Variants in PAQR5 observed in about 807,000 individuals in gnomAD.
PAQR5 encodes the protein progestin and adipoQ receptor family member 5.
A neutral mutation model predicts 34.5 loss-of-function variants in PAQR5; 20 were observed. The observed-to-expected ratio is 0.58, with a 90% confidence interval of 0.41 to 0.84. The LOEUF is 0.84. Ranked by LOEUF, PAQR5 falls within the 40% of genes least tolerant of loss-of-function variation. The probability of loss-of-function intolerance (pLI) is 0.00; values close to 1 mark genes in which losing one functional copy is unlikely to be tolerated. For missense variants in PAQR5, 378 were observed against 412.7 expected (o/e 0.92, Z 0.73); for synonymous variants, 131 against 155.6 (o/e 0.84, Z 1.18).
chr15:69,379,039 T>C (rs527662205), intron 3 of PAQR5, among the ~76,000 whole-genome samples: 1 of 152,340 alleles, frequency 6.6e-6, no homozygotes, highest in African/African-American at 2.4e-5. Context: ...ACACTTCACT[T>C]TTCTATGTTC....
intron 1 of PAQR5, among the ~76,000 whole-genome samples, chr15:69,311,108 C>G (rs1409102750): frequency 6.9e-6 from 1 of 144,158 alleles, no homozygotes. Context: ...GAGAGGGGAT[C>G]TCTGATATGG....
At chr15:69,336,064 C>T (rs1023180811) in intron 1 of PAQR5, among the ~76,000 whole-genome samples, 10 of 152,124 alleles carry the variant, frequency 6.6e-5, no homozygotes, top group African/African-American at 2.4e-4. Context: ...GAGACAGATT[C>T]AGGTGGCTTC....
chr15:69,399,583 C>T (rs1251798051), intron 7 of PAQR5, among the ~76,000 whole-genome samples: 2 of 152,206 alleles, frequency 1.3e-5, no homozygotes, highest in South Asian at 2.1e-4. Flanking sequence ...ACTGTACTTA[C>T]ATTTTACCCC....
chr15:69,373,446 T>C (rs2055617583), intron 3 of PAQR5, among the ~76,000 whole-genome samples: 1 of 152,192 alleles, frequency 6.6e-6, no homozygotes, highest in East Asian at 1.9e-4. Context: ...GTTTTTCTAC[T>C]TCTTAAATCA....
At chr15:69,381,218 C>T (rs1223280666) in intron 4 of PAQR5, among the ~76,000 whole-genome samples, 2 of 152,182 alleles carry the variant, frequency 1.3e-5, no homozygotes, top group Non-Finnish European at 2.9e-5. Context: ...CTGCCACTGG[C>T]CCCAGTTCTC....
chr15:69,386,596 C>T (rs1466577962), intron 5 of PAQR5, among the ~76,000 whole-genome samples: 1 of 151,780 alleles, frequency 6.6e-6, no homozygotes, highest in Non-Finnish European at 1.5e-5. Flanking sequence ...TCCCTCCCAC[C>T]CTCCGGATCC....
Position 69,399,966 on chromosome 15 carries a change from AC to A in PAQR5, c.610-6del. The A allele has an allele frequency of 6.2e-7, 1 of 1,612,268 alleles. No individual in the cohort carries two copies. Among genetic ancestry groups the A allele is most frequent in the South Asian group, 1.1e-5 (1 of 90,842 alleles). On this transcript the variant is annotated splice_polypyrimidine_tract_variant and splice_region_variant and intron_variant, in intron 7 of 8. Coordinates refer to ENST00000395407, the MANE Select transcript of PAQR5 (RefSeq NM_017705.4). The stretch of plus-strand genomic sequence containing the variant: ...CTCAAGACCTGATGTTTCTTTAAAC[AC>A]CTGCAGCTATTCCTGTTCCCAGGGG...
At chr15:69,369,551 A>T (rs1481593233) in intron 3 of PAQR5, among the ~76,000 whole-genome samples, 1 of 151,186 alleles carries the variant, frequency 6.6e-6, no homozygotes, top group Non-Finnish European at 1.5e-5. Flanking sequence ...AAAAAAAAAA[A>T]AAAGTAGAAA....
intron 1 of PAQR5, among the ~76,000 whole-genome samples, chr15:69,332,329 C>T (rs146460972): frequency 1.2e-3 from 178 of 152,296 alleles, no homozygotes; most frequent in African/African-American, 4.1e-3. Context: ...GCTACAGGTT[C>T]CTGAAACCAA....
chr15:69,399,482 C>T (rs1296210921), intron 7 of PAQR5, among the ~76,000 whole-genome samples: 1 of 152,180 alleles, frequency 6.6e-6, no homozygotes, highest in Non-Finnish European at 1.5e-5. Context: ...CAACAGGAGG[C>T]TATTAGTAAT....
At chr15:69,322,064 G>A (rs1476053958) in intron 1 of PAQR5, among the ~76,000 whole-genome samples, 1 of 150,840 alleles carries the variant, frequency 6.6e-6, no homozygotes, top group African/African-American at 2.5e-5. Flanking sequence ...TTGTCAAGAA[G>A]ACTGGTGGCT....
At chr15:69,311,040 A>G (rs1330969081) in intron 1 of PAQR5, among the ~76,000 whole-genome samples, 6 of 103,772 alleles carry the variant, frequency 5.8e-5, no homozygotes, top group Admixed American at 1.1e-4. Flanking sequence ...CTCCGTCGCA[A>G]AAAATAAAAA....
At chr15:69,361,246 T>A (rs2055223951) in intron 3 of PAQR5, among the ~76,000 whole-genome samples, 1 of 152,224 alleles carries the variant, frequency 6.6e-6, no homozygotes, top group Admixed American at 6.5e-5. Flanking sequence ...GATTCTTGAA[T>A]TTATTTACTC....
At chr15:69,358,714 C>A (rs527349091) in intron 2 of PAQR5, among the ~76,000 whole-genome samples, 5 of 135,692 alleles carry the variant, frequency 3.7e-5, no homozygotes, top group Non-Finnish European at 6.1e-5. Flanking sequence ...TCACAGCAGC[C>A]TTGACCTCCT....
At chr15:69,358,538 C>T (rs1042800156) in intron 2 of PAQR5, among the ~76,000 whole-genome samples, 2 of 151,220 alleles carry the variant, frequency 1.3e-5, no homozygotes, top group African/African-American at 2.4e-5. Context: ...TGCTGCGGTG[C>T]GGCCTTGGGA....
intron 3 of PAQR5, among the ~76,000 whole-genome samples, chr15:69,366,066 G>T (rs1025923456): frequency 6.6e-6 from 1 of 152,142 alleles, no homozygotes; most frequent in Non-Finnish European, 1.5e-5. Flanking sequence ...CCAGTTTTTA[G>T]AACATTTTCA....
intron 1 of PAQR5, among the ~76,000 whole-genome samples, chr15:69,301,551 G>A (rs1238828210): frequency 2.6e-5 from 4 of 152,184 alleles, no homozygotes; most frequent in Non-Finnish European, 5.9e-5. Flanking sequence ...GCTATGTATT[G>A]AGGGAAGAGA....
chr15:69,322,736 A>G (rs187949915), intron 1 of PAQR5, among the ~76,000 whole-genome samples: 927 of 25,216 alleles, frequency 0.037, 190 homozygotes, highest in Middle Eastern at 0.061. Context: ...AAGAAGAAGA[A>G]GAAGAAGAAG....
chr15:69,354,836 C>T, intron 2 of PAQR5, among the ~76,000 whole-genome samples: 1 of 152,138 alleles, frequency 6.6e-6, no homozygotes, highest in East Asian at 1.9e-4. Flanking sequence ...AACAAGGGCC[C>T]AGAGAGAACA....
Sources: allele counts gnomAD v4.1 joint callset (sites outside exome capture counted in the v4.1 genomes callset), GRCh38; gene constraint gnomAD v4.1.1; transcripts MANE v1.5; gene names NCBI Gene and HGNC (gene_info 2026-07-23, HGNC 2026-07-21).